MED12L: variants seen among roughly 807,000 people sequenced by gnomAD.
MED12L encodes the protein mediator of RNA polymerase II transcription subunit 12-like protein.
A neutral mutation model predicts 281.3 loss-of-function variants in MED12L; 60 were observed. The ratio of observed to expected loss-of-function variants is 0.21; its 90% confidence interval spans 0.17 to 0.26. The LOEUF (loss-of-function observed/expected upper bound fraction) is 0.26. Among genes scored for constraint, MED12L ranks in the 10% least tolerant of loss-of-function variants. MED12L has a pLI of 1.00. For synonymous variants in MED12L, 974 were observed against 987.2 expected (o/e 0.99, Z 0.25); for missense variants, 2,146 against 2,680.9 (o/e 0.80, Z 4.41).
intron 11 of MED12L, among the ~76,000 whole-genome samples, chr3:151,172,276 C>T (rs559680094): frequency 2.0e-5 from 3 of 152,144 alleles, no homozygotes; most frequent in Admixed American, 6.5e-5. Flanking sequence ...TATTTCCTGA[C>T]GATGTGAAAA....
rs1217391489 is a variant in MED12L at position 151,434,866 on chromosome 3, T to TTTTGC, written c.*2063_*2067dup. Reference sequence around the variant, plus strand: ...CAGAGGTGAGTTAAATTATTAATCATTTTGCACATGAAAGCTGTGGGGCAT... The same window carrying TTTTGC: ...CAGAGGTGAGTTAAATTATTAATCATTTTGCTTTGCACATGAAAGCTGTGGGGCAT... On this transcript the variant is annotated 3_prime_UTR_variant, in exon 45 of 45. Transcript: ENST00000687756. The TTTTGC allele has an allele frequency of 6.6e-6, 1 of 152,228 alleles. No homozygotes were observed. Among genetic ancestry groups the TTTTGC allele is most frequent in the Non-Finnish European group, 1.5e-5 (1 of 68,036 alleles). 9.4% of individuals were successfully genotyped at this position (152,228 alleles called of 1,614,324 possible). A position where few individuals can be genotyped will look rare whatever the true frequency, so the allele number is the denominator to read the frequency against.
At chr3:151,105,155 C>T (rs1014850764) in intron 2 of MED12L, among the ~76,000 whole-genome samples, 4 of 152,158 alleles carry the variant, frequency 2.6e-5, no homozygotes. Context: ...CTTCTAGGGC[C>T]TGGGTTGGCA....
chr3:151,407,156 T>C (rs913693423), intron 39 of MED12L, among the ~76,000 whole-genome samples: 2 of 152,202 alleles, frequency 1.3e-5, no homozygotes, highest in East Asian at 3.9e-4. Context: ...ATAAGAATAT[T>C]GCCCAATAGC....
chr3:151,169,127 T>G lies in MED12L; in HGVS notation c.1494+3145T>G, dbSNP rs201288118. ...CTTTGTTTTTTTTTTTTTTTGTTTTTTTTTTTTTGAGACGGAGTCTCTGTC... is the reference window on the plus strand; with the variant it reads ...CTTTGTTTTTTTTTTTTTTTGTTTTGTTTTTTTTGAGACGGAGTCTCTGTC... On this transcript the variant is annotated intron_variant, in intron 11 of 44. Coordinates refer to ENST00000687756, the MANE Select transcript of MED12L (RefSeq NM_001393769.1). Among the ~76,000 whole-genome samples the G allele has an allele frequency of 7.7e-4, 112 of 145,440 alleles. 1 individual carries two copies. In the East Asian group the frequency reaches 8.3e-3, roughly 11 times the overall value.
intron 34 of MED12L, 25 bp from the exon 35 acceptor site, chr3:151,384,058 T>G (rs1712886179): frequency 6.2e-7 from 1 of 1,600,250 alleles, no homozygotes; most frequent in Non-Finnish European, 8.5e-7. Context: ...CACTTTAAGA[T>G]GAAAATAATT....
At chr3:151,236,223 C>T (rs781135123) in intron 16 of MED12L, among the ~76,000 whole-genome samples, 1 of 152,156 alleles carries the variant, frequency 6.6e-6, no homozygotes, top group Admixed American at 6.5e-5. Context: ...CAACTTTGGT[C>T]AAATTAAGGA....
At chr3:151,386,146 C>T (rs920008456) in intron 36 of MED12L, among the ~76,000 whole-genome samples, 1 of 152,142 alleles carries the variant, frequency 6.6e-6, no homozygotes, top group Admixed American at 6.5e-5. Flanking sequence ...ATGAAAGAAT[C>T]AGATTTACCA....
At chr3:151,388,238 A>G in intron 37 of MED12L, 66 bp downstream of exon 37, 2 of 1,510,826 alleles carry the variant, frequency 1.3e-6, no homozygotes, top group Non-Finnish European at 8.8e-7. Flanking sequence ...CTCGTGCCCA[A>G]ATCATATCCC....
intron 26 of MED12L, 101 bp from the exon 27 acceptor site, chr3:151,372,466 T>G (rs563961102): frequency 1.2e-6 from 1 of 805,492 alleles, no homozygotes; most frequent in South Asian, 1.6e-5. Flanking sequence ...ATAATACTGT[T>G]CATATATTTT....
chr3:151,415,681 T>G (rs1577598270), intron 42 of MED12L, among the ~76,000 whole-genome samples: 2 of 152,164 alleles, frequency 1.3e-5, no homozygotes, highest in African/African-American at 4.8e-5. Flanking sequence ...ACAAAACAAC[T>G]ATTAATATTT....
intron 39 of MED12L, among the ~76,000 whole-genome samples, chr3:151,400,640 G>A (rs1051925761): frequency 3.9e-5 from 6 of 152,156 alleles, no homozygotes; most frequent in Non-Finnish European, 2.9e-5. Flanking sequence ...AGAGCTGTTA[G>A]CTCCTTGGCA....
intron 5 of MED12L, among the ~76,000 whole-genome samples, chr3:151,135,690 A>G (rs1415901420): frequency 6.6e-6 from 1 of 152,146 alleles, no homozygotes; most frequent in African/African-American, 2.4e-5. Flanking sequence ...GGTCTGGGCC[A>G]CTGGAGGCAA....
intron 17 of MED12L, among the ~76,000 whole-genome samples, chr3:151,351,736 AT>A (rs1283519781): frequency 6.6e-6 from 1 of 152,126 alleles, no homozygotes; most frequent in Admixed American, 6.6e-5. Flanking sequence ...TATCTAAATT[AT>A]TTTTAGAGGG....
intron 16 of MED12L, among the ~76,000 whole-genome samples, chr3:151,250,331 G>A (rs534908627): frequency 2.6e-4 from 40 of 152,260 alleles, no homozygotes; most frequent in African/African-American, 7.5e-4. Context: ...GTTCAGTGAC[G>A]TTAATTACAT....
chr3:151,167,828 A>G (rs924751027), intron 11 of MED12L, among the ~76,000 whole-genome samples: 3 of 152,196 alleles, frequency 2.0e-5, no homozygotes, highest in African/African-American at 7.2e-5. Flanking sequence ...CATGAATACT[A>G]AGATTTTTAA....
At chr3:151,100,497 T>TCA (rs1721261185) in intron 2 of MED12L, among the ~76,000 whole-genome samples, 1 of 152,238 alleles carries the variant, frequency 6.6e-6, no homozygotes. Flanking sequence ...AGATGCTCGT[T>TCA]TACTTAAAGG....
At chr3:151,097,780 C>T (rs1720908068) in intron 2 of MED12L, among the ~76,000 whole-genome samples, 1 of 152,144 alleles carries the variant, frequency 6.6e-6, no homozygotes, top group Non-Finnish European at 1.5e-5. Context: ...CCAAACAACC[C>T]CCTACACCAA....
intron 16 of MED12L, among the ~76,000 whole-genome samples, chr3:151,293,576 T>TACACACACACACACACACACACAC (rs55846173): frequency 6.6e-5 from 5 of 76,198 alleles, no homozygotes; most frequent in African/African-American, 3.1e-4. Context: ...ATGAAGCCCT[T>TACACACACACACACACACACACAC]ACACACACAC....
chr3:151,400,079 G>A lies in MED12L; in HGVS notation c.5820+5212G>A, dbSNP rs143769723. On this transcript the variant is annotated intron_variant, in intron 39 of 44. Coordinates refer to ENST00000687756, the MANE Select transcript of MED12L (RefSeq NM_001393769.1). ...TGACCTCAGGTGATCCACCTGTCTC[G>A]ACCTCCTATAGTGCTGGGATTATAG... 1.5e-3 allele frequency among the ~76,000 whole-genome samples: 229 copies of A among 152,060 alleles called. 2 individuals carry two copies. Among genetic ancestry groups the A allele is most frequent in the African/African-American group, 5.0e-3 (209 of 41,464 alleles).
Sources: allele counts gnomAD v4.1 joint callset (sites outside exome capture counted in the v4.1 genomes callset), GRCh38; gene constraint gnomAD v4.1.1; transcripts MANE v1.5; gene names NCBI Gene and HGNC (gene_info 2026-07-23, HGNC 2026-07-21).